SORCS1: variants seen among roughly 807,000 people sequenced by gnomAD.
The protein encoded by SORCS1 is VPS10 domain-containing receptor SorCS1.
A neutral mutation model predicts 146.1 loss-of-function variants in SORCS1; 60 were observed. The ratio of observed to expected loss-of-function variants is 0.41; its 90% confidence interval spans 0.33 to 0.51. SORCS1 has a LOEUF of 0.51. Among genes scored for constraint, SORCS1 ranks in the 20% least tolerant of loss-of-function variants. The pLI, the probability that SORCS1 is intolerant of heterozygous loss-of-function variation, is 0.21. For synonymous variants in SORCS1, 637 were observed against 584.0 expected, an observed-to-expected ratio of 1.09 and a Z score of -1.31; for missense variants, 1,352 against 1,487.6, an observed-to-expected ratio of 0.91 and a Z score of 1.50.
chr10:106,930,294 A>G lies in SORCS1; in HGVS notation c.626+26219T>C, dbSNP rs372950757. ...GAGACTCTGTCTCTAAAAAAAAAAAACAAAAAAACAAAAATGAATTAAAAG... is the reference window on the plus strand; with the variant it reads ...GAGACTCTGTCTCTAAAAAAAAAAAGCAAAAAAACAAAAATGAATTAAAAG... On this transcript the variant is annotated intron_variant, in intron 2 of 25. Transcript: ENST00000263054. Among the ~76,000 whole-genome samples the G allele has an allele frequency of 2.1e-4, 32 of 152,128 alleles. No homozygotes were observed. In the South Asian group the frequency reaches 2.9e-3, roughly 14 times the overall value.
intron 6 of SORCS1, among the ~76,000 whole-genome samples, chr10:106,719,002 A>G (rs368752609): frequency 1.3e-5 from 2 of 151,768 alleles, no homozygotes; most frequent in African/African-American, 4.9e-5. Flanking sequence ...TGCGTTTACA[A>G]ACCTTTAGCT....
intron 1 of SORCS1, among the ~76,000 whole-genome samples, chr10:106,967,597 G>A (rs1198637298): frequency 1.3e-5 from 2 of 152,170 alleles, no homozygotes; most frequent in South Asian, 4.1e-4. Flanking sequence ...CAGGGAATAG[G>A]GGGAGAAGCT....
At chr10:106,679,443 G>T in intron 11 of SORCS1, 111 bp from the exon 12 acceptor site, 1 of 1,002,818 alleles carries the variant, frequency 1.0e-6, no homozygotes, top group Non-Finnish European at 1.5e-6. Context: ...CATTCTGTCT[G>T]TGCAGGGGTT....
intron 1 of SORCS1, among the ~76,000 whole-genome samples, chr10:107,050,626 C>T (rs567606391): frequency 6.6e-6 from 1 of 152,282 alleles, no homozygotes; most frequent in Non-Finnish European, 1.5e-5. Context: ...TAATATGCCA[C>T]AAGTTCATCT....
intron 1 of SORCS1, among the ~76,000 whole-genome samples, chr10:107,091,035 T>C (rs570081692): frequency 6.6e-6 from 1 of 152,292 alleles, no homozygotes; most frequent in Non-Finnish European, 1.5e-5. Flanking sequence ...TCTATCTCCA[T>C]GAGGTGTCTA....
intron 1 of SORCS1, among the ~76,000 whole-genome samples, chr10:107,050,774 A>G (rs1344747484): frequency 2.0e-5 from 3 of 152,132 alleles, no homozygotes; most frequent in African/African-American, 7.2e-5. Flanking sequence ...GGCCTTCTTA[A>G]GTATATATAT....
intron 2 of SORCS1, among the ~76,000 whole-genome samples, chr10:106,850,113 C>T (rs1261266357): frequency 1.3e-5 from 2 of 151,844 alleles, no homozygotes; most frequent in African/African-American, 4.8e-5. Flanking sequence ...GTGGGCTCCA[C>T]CCAGTTCGAG....
At chr10:107,048,628 G>A (rs1316160157) in intron 1 of SORCS1, among the ~76,000 whole-genome samples, 3 of 152,244 alleles carry the variant, frequency 2.0e-5, no homozygotes, top group African/African-American at 4.8e-5. Flanking sequence ...ACGTGAAGAT[G>A]GAAAACGTCT....
intron 3 of SORCS1, among the ~76,000 whole-genome samples, chr10:106,804,062 A>T (rs1947043205): frequency 6.6e-6 from 1 of 152,180 alleles, no homozygotes; most frequent in East Asian, 1.9e-4. Flanking sequence ...TTTCATTAGA[A>T]AGAGGAAGTC....
At chr10:107,127,354 A>G (rs1387778699) in intron 1 of SORCS1, among the ~76,000 whole-genome samples, 1 of 152,062 alleles carries the variant, frequency 6.6e-6, no homozygotes, top group Non-Finnish European at 1.5e-5. Context: ...TCCAGGATAT[A>G]TCTGTTTGGG....
intron 2 of SORCS1, among the ~76,000 whole-genome samples, chr10:106,956,054 CG>C (rs1326396379): frequency 6.6e-6 from 1 of 151,610 alleles, no homozygotes; most frequent in Non-Finnish European, 1.5e-5. Flanking sequence ...GGCTTGAACC[CG>C]GGAGGCAGAG....
chr10:107,039,852 A>G (rs935861783), intron 1 of SORCS1, among the ~76,000 whole-genome samples: 10 of 152,200 alleles, frequency 6.6e-5, no homozygotes, highest in South Asian at 4.1e-4. Context: ...GTTCACGTCT[A>G]TAACCTCAAC....
chr10:106,894,273 G>A lies in SORCS1; in HGVS notation c.626+62240C>T, dbSNP rs1033451378. Among the ~76,000 whole-genome samples, 4 of 32,606 alleles carry A rather than the reference G, an allele frequency of 1.2e-4. 1 individual carries two copies. Among genetic ancestry groups the A allele is most frequent in the African/African-American group, 6.2e-4 (4 of 6,496 alleles). The allele number at this position is 32,606 out of a possible 152,430, so 21.4% of individuals were successfully genotyped here. On this transcript the variant is annotated intron_variant, in intron 2 of 25. Transcript: ENST00000263054. Reference sequence around the variant, plus strand: ...TGTGTGCGCGCGCGCACGTGTGCGTGTGTGTGTGTGTGTGTGTGTGTGTGT... The same window carrying A: ...TGTGTGCGCGCGCGCACGTGTGCGTATGTGTGTGTGTGTGTGTGTGTGTGT...
chr10:106,825,357 C>T (rs1489556006), intron 3 of SORCS1, among the ~76,000 whole-genome samples: 2 of 150,556 alleles, frequency 1.3e-5, no homozygotes, highest in Non-Finnish European at 3.0e-5. Flanking sequence ...CTGTAACGTC[C>T]GTCTCCCAGG....
chr10:106,825,113 A>C (rs72825300), intron 3 of SORCS1, among the ~76,000 whole-genome samples: 1 of 152,082 alleles, frequency 6.6e-6, no homozygotes, highest in Non-Finnish European at 1.5e-5. Flanking sequence ...ATCCTTGAAG[A>C]TGTTACACGA....
the SORCS1 span, among the ~76,000 whole-genome samples, chr10:107,169,868 C>T: frequency 6.6e-6 from 1 of 152,190 alleles, no homozygotes; most frequent in Non-Finnish European, 1.5e-5. Context: ...TTTTGTGTAG[C>T]TATTATGCAG....
rs921428397 is a variant in SORCS1 at position 106,894,748 on chromosome 10, T to TA, written c.626+61764dup. 4.8e-4 allele frequency among the ~76,000 whole-genome samples: 73 copies of TA among 151,838 alleles called. 1 individual carries two copies. Among genetic ancestry groups the TA allele is most frequent in the African/African-American group, 3.4e-4 (14 of 41,350 alleles). On this transcript the variant is annotated intron_variant, in intron 2 of 25. Coordinates refer to ENST00000263054, the MANE Select transcript of SORCS1 (RefSeq NM_052918.5). ...AAACAGGCTTTCTAAGCTGGTAAAA[T>TA]AAAAAAAAGACTTGTTATTTTATCA...
chr10:106,580,680 G>A (rs565052439), intron 24 of SORCS1, among the ~76,000 whole-genome samples: 1 of 152,222 alleles, frequency 6.6e-6, no homozygotes, highest in East Asian at 1.9e-4. Context: ...AATCACCCAG[G>A]TAAAAAAGTT....
At chr10:107,030,645 G>A (rs7924192) in intron 1 of SORCS1, among the ~76,000 whole-genome samples, 2,728 of 152,282 alleles carry the variant, frequency 0.018, 77 homozygotes, top group African/African-American at 0.061. Flanking sequence ...AAACACAGTA[G>A]TGGCAAAACT....
Sources: gnomAD v4.1 joint callset for allele counts (sites outside exome capture counted in the v4.1 genomes callset) on GRCh38, gnomAD v4.1.1 for gene constraint, MANE v1.5 for transcripts, NCBI Gene and HGNC (gene_info 2026-07-23, HGNC 2026-07-21) for gene names.